The following ZNF148 variants were observed in gnomAD, a reference collection of about 807,000 sequenced individuals.
ZNF148 encodes Beta-Enolase Repressor Factor-1.
Under a neutral mutation model 67.7 loss-of-function variants are expected in ZNF148, and 7 were observed. The observed-to-expected ratio is 0.10, with a 90% CI of 0.06 to 0.19. ZNF148 has a LOEUF of 0.19. Ranked by LOEUF, ZNF148 falls within the 10% of genes least tolerant of loss-of-function variation. The pLI, the probability that ZNF148 is intolerant of heterozygous loss-of-function variation, is 1.00. For synonymous variants in ZNF148, 333 were observed against 330.7 expected (o/e 1.01, Z -0.08); for missense variants, 583 against 947.1 (o/e 0.62, Z 5.05).
chr3:125,320,309 G>C (rs566274024), intron 3 of ZNF148, among the ~76,000 whole-genome samples: 1 of 152,266 alleles, frequency 6.6e-6, no homozygotes, highest in South Asian at 2.1e-4. Flanking sequence ...ATCAAAAAAA[G>C]AGGGCTGTAC....
chr3:125,355,503 G>A (rs542197114), intron 1 of ZNF148, among the ~76,000 whole-genome samples: 2 of 152,254 alleles, frequency 1.3e-5, no homozygotes, highest in Admixed American at 1.3e-4. Context: ...AATGTCCAGG[G>A]TTTCCAGACA....
At chr3:125,238,186 GAATAT>G (rs1273396796) in intron 7 of ZNF148, among the ~76,000 whole-genome samples, 9 of 152,060 alleles carry the variant, frequency 5.9e-5, no homozygotes, top group East Asian at 3.9e-4. Flanking sequence ...AAAAATGGTA[GAATAT>G]AATATAGGAA....
At chr3:125,298,690 TCTCAGCTCACTGCAAGCCCCAC>T (rs1457995518) in intron 4 of ZNF148, among the ~76,000 whole-genome samples, 1 of 148,772 alleles carries the variant, frequency 6.7e-6, no homozygotes, top group Non-Finnish European at 1.5e-5. Context: ...AGTGGCGTGA[TCTCAGCTCACTGCAAGCCCCAC>T]CTCCCAGGTT....
rs1397301669 is a variant in ZNF148 at position 125,323,345 on chromosome 3, G to T, written c.-53C>A. The T allele has an allele frequency of 2.9e-6, 2 of 678,376 alleles. No individual in the cohort carries two copies. The highest frequency in any genetic ancestry group is 5.3e-6 in the Non-Finnish European group (2 of 377,074). The allele number at this position is 678,376 out of a possible 1,614,324, so 42.0% of individuals were successfully genotyped here. On this transcript the variant is annotated 5_prime_UTR_variant, in exon 3 of 9. Transcript: ENST00000360647. The stretch of plus-strand genomic sequence containing the variant: ...GTAAAAACGAAGACTTCAAGGAAAG[G>T]AATGCTGTAGAGTTGAAAAAGAAAT...
intron 4 of ZNF148, among the ~76,000 whole-genome samples, chr3:125,293,824 G>T (rs1313286160): frequency 6.6e-6 from 1 of 152,266 alleles, no homozygotes; most frequent in East Asian, 1.9e-4. Context: ...AAACATCATG[G>T]TAATAACCAT....
chr3:125,370,282 C>T (rs531365836), intron 1 of ZNF148, among the ~76,000 whole-genome samples: 1 of 152,250 alleles, frequency 6.6e-6, no homozygotes, highest in East Asian at 1.9e-4. Flanking sequence ...AGGTCCTCTC[C>T]AGATATCCCT....
At chr3:125,259,505 AC>A in intron 7 of ZNF148, among the ~76,000 whole-genome samples, 1 of 152,220 alleles carries the variant, frequency 6.6e-6, no homozygotes, top group Non-Finnish European at 1.5e-5. Context: ...GTTCCAGACA[AC>A]CACAATAAAG....
intron 4 of ZNF148, among the ~76,000 whole-genome samples, chr3:125,308,044 C>A (rs1289723563): frequency 6.6e-6 from 1 of 152,046 alleles, no homozygotes; most frequent in Non-Finnish European, 1.5e-5. Context: ...CGCTTCTATT[C>A]ATCATTGTTT....
At chr3:125,312,009 C>T (rs2107671565) in intron 4 of ZNF148, among the ~76,000 whole-genome samples, 1 of 152,276 alleles carries the variant, frequency 6.6e-6, no homozygotes, top group East Asian at 1.9e-4. Context: ...TTCTACCAAA[C>T]ATTTAAGGAA....
intron 2 of ZNF148, among the ~76,000 whole-genome samples, chr3:125,328,128 C>T (rs1436032630): frequency 6.6e-6 from 1 of 151,526 alleles, no homozygotes; most frequent in Non-Finnish European, 1.5e-5. Context: ...CCTGGCCAAA[C>T]TAATTTAAGA....
rs1467686449 is a variant in ZNF148, at chr3:125,233,700, T to C, written c.1026A>G (p.Lys342=). Residue 342 remains lysine (K), a synonymous_variant, in exon 9 of 9, where the codon AAA becomes AAG. Coordinates refer to ENST00000360647, the MANE Select transcript of ZNF148 (RefSeq NM_021964.3). This position sits in a 1 kb window ranked among gnomAD's most constrained non-coding sequence, Gnocchi z 5.1. ...AAGAATAAAGAGGCAAGTAATCATT[T>C]TTGTCTTTTTTCAGGTCAGATTTGT... ...ALDKSDLKKD[K]NDYLPLYSSS... is the part of the protein sequence containing the mutation. The C allele has an allele frequency of 6.2e-7, 1 of 1,613,798 alleles. No homozygotes were observed. The highest frequency in any genetic ancestry group is 8.5e-7 in the Non-Finnish European group (1 of 1,179,890).
intron 2 of ZNF148, among the ~76,000 whole-genome samples, chr3:125,330,465 C>CAAAAAAAAAAAA (rs200643048): frequency 2.4e-4 from 29 of 118,480 alleles, no homozygotes; most frequent in African/African-American, 1.1e-3. Flanking sequence ...AACCCTATCT[C>CAAAAAAAAAAAA]AAAAAAAAAA....
Position 125,231,260 on chromosome 3 carries a change from T to G in ZNF148, c.*1081A>C, listed in dbSNP as rs1471090021. 1 of 152,526 alleles carries G rather than the reference T, an allele frequency of 6.6e-6. No homozygotes were observed. The highest frequency in any genetic ancestry group is 1.5e-5 in the Non-Finnish European group (1 of 67,962). The allele number at this position is 152,526 out of a possible 1,614,324, so 9.4% of individuals were successfully genotyped here. A position where few individuals can be genotyped will look rare whatever the true frequency, so the allele number is the denominator to read the frequency against. The stretch of plus-strand genomic sequence containing the variant: ...ATCAAGAGTCTAGAAAGAAAAAGAT[T>G]AAACCAGGTTTTACAGTTCCAAAGA... On this transcript the variant is annotated 3_prime_UTR_variant, in exon 9 of 9. Transcript: ENST00000360647.
At chr3:125,242,437 A>G (rs1936408071) in intron 7 of ZNF148, among the ~76,000 whole-genome samples, 2 of 152,184 alleles carry the variant, frequency 1.3e-5, no homozygotes, top group Admixed American at 1.3e-4. Context: ...CTTGGCCAAC[A>G]TGACAAAATT....
At chr3:125,270,155 G>A (rs748084004) in intron 7 of ZNF148, among the ~76,000 whole-genome samples, 25 of 151,942 alleles carry the variant, frequency 1.6e-4, no homozygotes, top group African/African-American at 3.4e-4. Context: ...CTATGACCTC[G>A]TCAATTCACT....
At chr3:125,283,777 CA>C (rs1938515146) in intron 5 of ZNF148, among the ~76,000 whole-genome samples, 1 of 152,124 alleles carries the variant, frequency 6.6e-6, no homozygotes, top group Non-Finnish European at 1.5e-5. Context: ...CCTTATTTTA[CA>C]TAATTCAATC....
chr3:125,369,274 A>G (rs1942797716), intron 1 of ZNF148, among the ~76,000 whole-genome samples: 1 of 147,958 alleles, frequency 6.8e-6, no homozygotes, highest in Admixed American at 6.7e-5. Flanking sequence ...AAAAAAAAAA[A>G]AAAAAAAAAA....
chr3:125,236,155 T>C (rs904929448), intron 7 of ZNF148, among the ~76,000 whole-genome samples: 2 of 152,102 alleles, frequency 1.3e-5, no homozygotes, highest in African/African-American at 4.8e-5. Context: ...TTCTACTAGA[T>C]TATATTTCTT....
At chr3:125,321,927 T>C (rs1940791013) in intron 3 of ZNF148, among the ~76,000 whole-genome samples, 1 of 151,844 alleles carries the variant, frequency 6.6e-6, no homozygotes, top group Admixed American at 6.6e-5. Flanking sequence ...CATACCACTA[T>C]GCCTAGATTG....
Sources: allele counts gnomAD v4.1 joint callset (sites outside exome capture counted in the v4.1 genomes callset), GRCh38; gene constraint gnomAD v4.1.1; non-coding constraint Gnocchi (gnomAD v3.1); transcripts MANE v1.5; gene names NCBI Gene and HGNC (gene_info 2026-07-23, HGNC 2026-07-21).